Variants in SLC16A7 observed in about 807,000 individuals in gnomAD.
The protein encoded by SLC16A7 is solute carrier family 16 member 7.
In SLC16A7, 33 loss-of-function variants were observed where a neutral mutation model predicts 34.9. The ratio of observed to expected loss-of-function variants is 0.94; its 90% CI spans 0.72 to 1.26. The LOEUF (loss-of-function observed/expected upper bound fraction) is 1.26. SLC16A7 is among the 50% of genes most tolerant of loss of function. SLC16A7 has a pLI of 0.00. For synonymous variants in SLC16A7, 201 were observed against 206.6 expected, an observed-to-expected ratio of 0.97 and a Z score of 0.23; for missense variants, 573 against 578.1, an observed-to-expected ratio of 0.99 and a Z score of 0.09.
chr12:59,704,674 T>G (rs1873352122), intron 2 of SLC16A7, 98 bp from the exon 3 acceptor site: 1 of 631,176 alleles, frequency 1.6e-6, no homozygotes, highest in African/African-American at 1.8e-5. Context: ...AAAATCATAT[T>G]GTAGTTTTAA....
intron 3 of SLC16A7, among the ~76,000 whole-genome samples, chr12:59,724,147 C>T (rs754228836): frequency 6.6e-6 from 1 of 152,052 alleles, no homozygotes; most frequent in Non-Finnish European, 1.5e-5. Flanking sequence ...GAAGGCTGTG[C>T]AAGTGCAGAG....
At chr12:59,746,269 G>A (rs1328626671) in intron 3 of SLC16A7, among the ~76,000 whole-genome samples, 3 of 152,182 alleles carry the variant, frequency 2.0e-5, no homozygotes, top group African/African-American at 7.2e-5. Flanking sequence ...ATGATGTCTG[G>A]CTTTCAGGCT....
At chr12:59,717,947 T>C (rs1875114475) in intron 3 of SLC16A7, among the ~76,000 whole-genome samples, 1 of 152,186 alleles carries the variant, frequency 6.6e-6, no homozygotes, top group South Asian at 2.1e-4. Flanking sequence ...AGATATATTT[T>C]CTGCAGACAT....
At chr12:59,714,576 T>TA (rs1874664222) in intron 3 of SLC16A7, among the ~76,000 whole-genome samples, 1 of 151,708 alleles carries the variant, frequency 6.6e-6, no homozygotes, top group South Asian at 2.1e-4. Context: ...TTTTTTTTTT[T>TA]CCTTTTGAGA....
In SLC16A7 at chr12:59,780,771, T is replaced by C. The variant is rs776207743; in HGVS notation, c.*1092T>C. 1.6e-4 allele frequency: 24 copies of C among 152,116 alleles called. No homozygotes were observed. The highest frequency in any genetic ancestry group is 1.6e-3 in the Admixed American group (24 of 15,236). The allele number at this position is 152,116 out of a possible 1,614,324, so 9.4% of individuals were successfully genotyped here. A position where few individuals can be genotyped will look rare whatever the true frequency, so the allele number is the denominator to read the frequency against. ...GGAGGTTACTGTTATGAATACTCCA[T>C]CTGACTACGACTAAGAGAGTGAGGG... On this transcript the variant is annotated 3_prime_UTR_variant, in exon 6 of 6. Transcript: ENST00000547379.
chr12:59,639,669 A>G (rs897868435), intron 1 of SLC16A7, among the ~76,000 whole-genome samples: 1 of 152,168 alleles, frequency 6.6e-6, no homozygotes. Flanking sequence ...TATAGGCATG[A>G]GCCAGCATAC....
chr12:59,756,640 A>C (rs1303661542), intron 3 of SLC16A7, among the ~76,000 whole-genome samples: 3 of 146,160 alleles, frequency 2.1e-5, no homozygotes. Flanking sequence ...AAATAGAAAC[A>C]CTTCTACACT....
chr12:59,760,367 C>G (rs1226937120), intron 3 of SLC16A7, among the ~76,000 whole-genome samples: 1 of 152,060 alleles, frequency 6.6e-6, no homozygotes, highest in East Asian at 1.9e-4. Flanking sequence ...GTGCAGGGCT[C>G]TGGAGATTAA....
At chr12:59,746,348 G>A (rs1422484109) in intron 3 of SLC16A7, among the ~76,000 whole-genome samples, 1 of 152,146 alleles carries the variant, frequency 6.6e-6, no homozygotes, top group African/African-American at 2.4e-5. Context: ...TTTTATTTCA[G>A]GGCATGAATT....
At chr12:59,655,107 G>A (rs1009376537) in intron 1 of SLC16A7, 45 bp from the exon 2 acceptor site, 4 of 151,870 alleles carry the variant, frequency 2.6e-5, no homozygotes, top group Admixed American at 6.6e-5. Context: ...TTCTAAACAT[G>A]CATTGAAATA....
chr12:59,779,613 G>A lies in SLC16A7; in HGVS notation c.1371G>A (p.Ser457=), dbSNP rs934016385. The A allele has an allele frequency of 2.2e-5, 35 of 1,610,904 alleles. No individual in the cohort carries two copies. Among genetic ancestry groups the A allele is most frequent in the African/African-American group, 1.6e-4 (12 of 74,794 alleles). ...ESEPLSKSKH[S]EDVNVKVSNA... ...AACCCTTGAGCAAATCTAAACATTC[G>A]GAAGATGTTAACGTCAAAGTTTCAA... The change falls in exon 6 of 6, where the codon TCG becomes TCA. Residue 457 remains serine, a synonymous_variant. Coordinates refer to ENST00000547379, the MANE Select transcript of SLC16A7 (RefSeq NM_001270623.2).
chr12:59,776,638 A>T (rs1048811183), intron 5 of SLC16A7, among the ~76,000 whole-genome samples: 4 of 152,042 alleles, frequency 2.6e-5, no homozygotes, highest in African/African-American at 7.2e-5. Flanking sequence ...GTGAAAAGTT[A>T]TGTTTAATTT....
chr12:59,686,454 G>T (rs1285284222), intron 2 of SLC16A7, among the ~76,000 whole-genome samples: 1 of 151,882 alleles, frequency 6.6e-6, no homozygotes, highest in Non-Finnish European at 1.5e-5. Context: ...ACCACATAGG[G>T]TTATATTTTT....
At chr12:59,768,173 A>G in intron 3 of SLC16A7, 1 of 455,850 alleles carries the variant, frequency 2.2e-6, no homozygotes, top group Non-Finnish European at 4.4e-6. Context: ...AAGGAGATGG[A>G]AAATCTTCTG....
At chr12:59,751,303 T>C (rs1293742752) in intron 3 of SLC16A7, among the ~76,000 whole-genome samples, 1 of 152,192 alleles carries the variant, frequency 6.6e-6, no homozygotes, top group African/African-American at 2.4e-5. Flanking sequence ...GGGCGAGGCA[T>C]TGCCTCACTC....
intron 2 of SLC16A7, among the ~76,000 whole-genome samples, chr12:59,673,549 G>A (rs1039561206): frequency 6.6e-6 from 1 of 151,322 alleles, no homozygotes; most frequent in African/African-American, 2.4e-5. Flanking sequence ...TTTCACATGA[G>A]CACTTAATTA....
At chr12:59,712,291 C>T (rs907502455) in intron 3 of SLC16A7, among the ~76,000 whole-genome samples, 3 of 152,172 alleles carry the variant, frequency 2.0e-5, no homozygotes, top group East Asian at 3.9e-4. Flanking sequence ...CATTTAAAAA[C>T]GACTGGAAAT....
At chr12:59,706,593 G>C (rs1429513351) in intron 3 of SLC16A7, among the ~76,000 whole-genome samples, 1 of 152,038 alleles carries the variant, frequency 6.6e-6, no homozygotes, top group Non-Finnish European at 1.5e-5. Context: ...TTGGACAGTT[G>C]CTTTATAGAT....
intron 1 of SLC16A7, among the ~76,000 whole-genome samples, chr12:59,625,244 C>T (rs1879876465): frequency 6.6e-6 from 1 of 151,736 alleles, no homozygotes; most frequent in Admixed American, 6.6e-5. Flanking sequence ...TGATTTTCTT[C>T]ATGGACTACC....
Sources: gnomAD v4.1 joint callset for allele counts (sites outside exome capture counted in the v4.1 genomes callset) on GRCh38, gnomAD v4.1.1 for gene constraint, MANE v1.5 for transcripts, NCBI Gene and HGNC (gene_info 2026-07-23, HGNC 2026-07-21) for gene names.